CD36: variants seen among roughly 807,000 people sequenced by gnomAD.
CD36 encodes platelet glycoprotein 4.
In CD36, 119 loss-of-function variants were observed where a neutral mutation model predicts 55.2. The observed-to-expected ratio is 2.15, with a 90% CI of 1.86 to 2.51. The LOEUF is 2.51. Among genes scored for constraint, CD36 ranks in the 30% most tolerant of loss-of-function variants. The probability of loss-of-function intolerance (pLI) is 0.00; values close to 1 mark genes in which losing one functional copy is unlikely to be tolerated. For missense variants in CD36, 819 were observed against 555.5 expected (o/e 1.47, Z -4.77); for synonymous variants, 186 against 193.6 (o/e 0.96, Z 0.33).
chr7:80,673,174 G>GTGATTAGAAGACATATAAGAGCA, intron 12 of CD36, 181 bp from the exon 13 acceptor site: 1 of 500,826 alleles, frequency 2.0e-6, no homozygotes, highest in East Asian at 3.2e-5. Context: ...AAAAATCAAT[G>GTGATTAGAAGACATATAAGAGCA]TGATTAGAAG....
chr7:80,607,959 A>C (rs900510477), intron 1 of CD36, among the ~76,000 whole-genome samples: 1 of 152,022 alleles, frequency 6.6e-6, no homozygotes, highest in African/African-American at 2.4e-5. Context: ...TTTGGTAGAC[A>C]TGGGGTTTCA....
At chr7:80,610,465 G>A (rs191452906) in intron 1 of CD36, among the ~76,000 whole-genome samples, 16 of 152,136 alleles carry the variant, frequency 1.1e-4, no homozygotes, top group African/African-American at 3.6e-4. Flanking sequence ...CAGTGTAGTC[G>A]CTGAGGCTTC....
intron 1 of CD36, among the ~76,000 whole-genome samples, chr7:80,644,611 T>C (rs984914054): frequency 2.0e-5 from 3 of 152,186 alleles, no homozygotes; most frequent in African/African-American, 4.8e-5. Flanking sequence ...GTAATATTTT[T>C]GAAAAACTAT....
At chr7:80,661,955 G>T (rs1796566296) in intron 5 of CD36, among the ~76,000 whole-genome samples, 1 of 152,146 alleles carries the variant, frequency 6.6e-6, no homozygotes, top group African/African-American at 2.4e-5. Flanking sequence ...CAAATAAAGG[G>T]CATTTGGTGC....
intron 1 of CD36, among the ~76,000 whole-genome samples, chr7:80,615,656 C>T (rs759406996): frequency 6.6e-6 from 1 of 152,166 alleles, no homozygotes; most frequent in Non-Finnish European, 1.5e-5. Flanking sequence ...GATTAAAGGT[C>T]AGTTAGTGTT....
At chr7:80,620,137 C>G (rs988840135) in intron 1 of CD36, among the ~76,000 whole-genome samples, 4 of 151,504 alleles carry the variant, frequency 2.6e-5, no homozygotes, top group Admixed American at 1.3e-4. Flanking sequence ...CCACAACAAT[C>G]ATCACAAAAG....
chr7:80,604,116 C>G (rs1052996378), intron 1 of CD36, among the ~76,000 whole-genome samples: 7 of 151,860 alleles, frequency 4.6e-5, no homozygotes, highest in African/African-American at 1.7e-4. Context: ...CTGTGAGGAG[C>G]AAGAGGAGGT....
At chr7:80,639,212 T>A (rs1417592637) in intron 1 of CD36, among the ~76,000 whole-genome samples, 1 of 151,958 alleles carries the variant, frequency 6.6e-6, no homozygotes, top group African/African-American at 2.4e-5. Context: ...ATTAGCTTGT[T>A]TAATTTTCAA....
At chr7:80,621,423 A>G (rs887798012) in intron 1 of CD36, among the ~76,000 whole-genome samples, 6 of 152,216 alleles carry the variant, frequency 3.9e-5, no homozygotes, top group African/African-American at 1.4e-4. Context: ...GTGACTAGCA[A>G]TAATTTATAG....
chr7:80,617,750 T>C (rs900493386), intron 1 of CD36, among the ~76,000 whole-genome samples: 1 of 151,802 alleles, frequency 6.6e-6, no homozygotes. Flanking sequence ...AAAAAAATTG[T>C]TGTGAGAAAA....
At chr7:80,632,309 C>G (rs1215275879) in intron 1 of CD36, among the ~76,000 whole-genome samples, 2 of 150,698 alleles carry the variant, frequency 1.3e-5, no homozygotes, top group African/African-American at 2.4e-5. Context: ...TGTATTATTT[C>G]CTGTGTTTCT....
chr7:80,673,173 T>C, intron 12 of CD36, 182 bp from the exon 13 acceptor site: 1 of 515,130 alleles, frequency 1.9e-6, no homozygotes, highest in Non-Finnish European at 3.4e-6. Context: ...AAAAAATCAA[T>C]GTGATTAGAA....
intron 1 of CD36, among the ~76,000 whole-genome samples, chr7:80,609,275 C>T (rs1792742187): frequency 6.6e-6 from 1 of 152,142 alleles, no homozygotes; most frequent in South Asian, 2.1e-4. Context: ...AAACATGTTT[C>T]CCCAGTTGTA....
intron 13 of CD36, chr7:80,673,780 T>A: frequency 1.7e-6 from 1 of 602,742 alleles, no homozygotes. Flanking sequence ...AGCAAATGAA[T>A]CCTAGTACAT....
At chr7:80,606,883 C>T (rs1181503159) in intron 1 of CD36, among the ~76,000 whole-genome samples, 2 of 152,088 alleles carry the variant, frequency 1.3e-5, no homozygotes, top group East Asian at 1.9e-4. Flanking sequence ...CTTTCTCCAT[C>T]CCTTAGTTCC....
At chr7:80,641,993 C>T (rs142726408) in intron 1 of CD36, among the ~76,000 whole-genome samples, 286 of 151,356 alleles carry the variant, frequency 1.9e-3, no homozygotes, top group African/African-American at 6.4e-3. Flanking sequence ...GATGACCCAA[C>T]GGAATAGGGT....
intron 8 of CD36, among the ~76,000 whole-genome samples, chr7:80,667,921 T>A (rs1797281012): frequency 6.6e-6 from 1 of 151,890 alleles, no homozygotes; most frequent in Non-Finnish European, 1.5e-5. Flanking sequence ...CAGCTAATTT[T>A]TGTATTTTTA....
chr7:80,617,923 T>A (rs1217466335), intron 1 of CD36, among the ~76,000 whole-genome samples: 1 of 152,148 alleles, frequency 6.6e-6, no homozygotes, highest in African/African-American at 2.4e-5. Flanking sequence ...ATGCCTAAAT[T>A]CATTGGAAAA....
At chr7:80,662,417 T>C in intron 5 of CD36, 1 of 237,294 alleles carries the variant, frequency 4.2e-6, no homozygotes. Flanking sequence ...TACTGAGACC[T>C]GTTGGAGCTT....
Sources: gnomAD v4.1 joint callset for allele counts (sites outside exome capture counted in the v4.1 genomes callset) on GRCh38, gnomAD v4.1.1 for gene constraint, MANE v1.5 for transcripts, NCBI Gene and HGNC (gene_info 2026-07-23, HGNC 2026-07-21) for gene names.